Variants in PEDS1 observed in about 807,000 individuals in gnomAD.
PEDS1 encodes plasmanylethanolamine desaturase 1, also known as CarF homolog.
In PEDS1, 14 loss-of-function variants were observed where a neutral mutation model predicts 35.2. That is an observed-to-expected ratio of 0.40 (90% CI 0.26 to 0.62). PEDS1 has a LOEUF of 0.62. Ranked by LOEUF, PEDS1 falls within the 20% of genes least tolerant of loss-of-function variation. PEDS1 has a pLI of 0.44. For synonymous variants in PEDS1, 152 were observed against 152.0 expected (o/e 1.00, Z 0.00); for missense variants, 260 against 367.8 (o/e 0.71, Z 2.40).
intron 1 of PEDS1, among the ~76,000 whole-genome samples, chr20:50,148,812 T>G (rs772698689): frequency 1.3e-5 from 2 of 151,864 alleles, no homozygotes; most frequent in Non-Finnish European, 2.9e-5. Context: ...ATCAGAGCCA[T>G]GGGAAGATGA....
chr20:50,136,318 T>C (rs2081233845), intron 2 of PEDS1, among the ~76,000 whole-genome samples: 1 of 152,194 alleles, frequency 6.6e-6, no homozygotes, highest in African/African-American at 2.4e-5. Flanking sequence ...GGGTTAACAC[T>C]GTGTACTGGG....
Position 50,129,171 on chromosome 20 carries a change from G to A in PEDS1, c.478+375C>T, listed in dbSNP as rs1054245904. Among the ~76,000 whole-genome samples, 7 of 152,198 alleles carry A rather than the reference G, an allele frequency of 4.6e-5. No individual in the cohort carries two copies. Among genetic ancestry groups the A allele is most frequent in the African/African-American group, 1.2e-4 (5 of 41,454 alleles). On this transcript the variant is annotated intron_variant, in intron 4 of 5. Transcript: ENST00000371652. The surrounding 1 kb of genome is among the most constrained non-coding windows in gnomAD (Gnocchi z 4.2). Reference sequence around the variant, plus strand: ...GCCTAGACATTTTCCACTAGGCCACGGTAGCAAAACCCCAGAAGCCCTGCC... The same window carrying A: ...GCCTAGACATTTTCCACTAGGCCACAGTAGCAAAACCCCAGAAGCCCTGCC...
At chr20:50,140,981 C>T (rs924511715) in intron 2 of PEDS1, among the ~76,000 whole-genome samples, 2 of 152,172 alleles carry the variant, frequency 1.3e-5, no homozygotes. Context: ...GCCTCGAAAG[C>T]CAGAGATTTC....
rs1394520226 is a variant in PEDS1, at chr20:50,119,625, A to G, written c.*5433T>C. 1 of 152,170 alleles carries G rather than the reference A, an allele frequency of 6.6e-6. No individual in the cohort carries two copies. The highest frequency in any genetic ancestry group is 1.5e-5 in the Non-Finnish European group (1 of 68,048). The allele number at this position is 152,170 out of a possible 1,614,324, so 9.4% of individuals were successfully genotyped here. A position where few individuals can be genotyped will look rare whatever the true frequency, so the allele number is the denominator to read the frequency against. ...TATTGTGTGAAAAGGAGTGGGGCAGACATACCCCTCTGCCTACATAAGGCA... is the reference window on the plus strand; with the variant it reads ...TATTGTGTGAAAAGGAGTGGGGCAGGCATACCCCTCTGCCTACATAAGGCA... On this transcript the variant is annotated 3_prime_UTR_variant, in exon 6 of 6. Transcript: ENST00000371652.
intron 1 of PEDS1, among the ~76,000 whole-genome samples, chr20:50,147,998 G>A (rs1043359352): frequency 5.9e-5 from 9 of 152,164 alleles, no homozygotes; most frequent in African/African-American, 2.2e-4. Flanking sequence ...GCTGAGGCAG[G>A]AGAATCACGT....
chr20:50,128,007 G>A lies in PEDS1; in HGVS notation c.659C>T (p.Ser220Leu), dbSNP rs921594550. 3.7e-6 allele frequency: 6 copies of A among 1,614,070 alleles called. No individual in the cohort carries two copies. Among genetic ancestry groups the A allele is most frequent in the African/African-American group, 1.3e-5 (1 of 74,940 alleles). The change falls in exon 5 of 6, where the codon TCA becomes TTA. Residue 220 changes from serine to leucine, a missense_variant. Around this residue, in one of 4 missense-constraint regions of PEDS1, gnomAD observed 83 missense variants for 142.8 expected, o/e 0.58. Transcript: ENST00000371652. The surrounding 1 kb of genome is among the most constrained non-coding windows in gnomAD (Gnocchi z 5.2). ...GATGCAGAAGTAGGTCTCGTGGGGT[G>A]AGACGTGGTGGATGCGATGGTGTTT... is the stretch of plus-strand genomic sequence containing the variant. ...PRKHHRIHHV[S>L]PHETYFCITT...
At chr20:50,148,521 C>T (rs997113899) in intron 1 of PEDS1, among the ~76,000 whole-genome samples, 1 of 152,206 alleles carries the variant, frequency 6.6e-6, no homozygotes, top group Non-Finnish European at 1.5e-5. Context: ...GAGGAAGGGG[C>T]TGGCCTCGTG....
rs779951740 is a variant in PEDS1 at position 50,130,965 on chromosome 20, A to G, written c.242-18T>C. 1.2e-6 allele frequency: 2 copies of G among 1,614,186 alleles called. No individual in the cohort carries two copies. The highest frequency in any genetic ancestry group is 2.2e-5 in the East Asian group (1 of 44,886). ...CCCTGCAACTGTGGACAAGAGGGTG[A>G]GTGAAGGGACATCCCTGCACCCCCC... On this transcript the variant is annotated intron_variant, in intron 2 of 5. Coordinates refer to ENST00000371652, the MANE Select transcript of PEDS1 (RefSeq NM_199129.4).
chr20:50,153,584 C>T lies in PEDS1; in HGVS notation c.54G>A (p.Glu18=). Residue 18 remains glutamate (E), a synonymous_variant, in exon 1 of 6, where the codon GAG becomes GAA. Transcript: ENST00000371652. ...GCGCGCCCCAGCGGCAACAAGACGC[C>T]TCGTCCTCGTCCAGCTCCAGCTGCT... ...PGQQLELDED[E]ASCCRWGAQH... 2 of 1,428,828 alleles carry T rather than the reference C, an allele frequency of 1.4e-6. No homozygotes were observed. The highest frequency in any genetic ancestry group is 1.8e-6 in the Non-Finnish European group (2 of 1,084,956). The allele number at this position is 1,428,828 out of a possible 1,614,324, so 88.5% of individuals were successfully genotyped here.
At chr20:50,125,885 C>T (rs1226425505) in intron 5 of PEDS1, among the ~76,000 whole-genome samples, 1 of 152,202 alleles carries the variant, frequency 6.6e-6, no homozygotes, top group Non-Finnish European at 1.5e-5. Flanking sequence ...ACCACTGAGC[C>T]TGGCTCTATT....
intron 1 of PEDS1, 79 bp from the exon 2 acceptor site, chr20:50,143,700 T>C (rs1424029196): frequency 6.6e-7 from 1 of 1,525,884 alleles, no homozygotes; most frequent in Non-Finnish European, 8.7e-7. Flanking sequence ...ACTTTTCTTT[T>C]CTTTTTTTTT....
At chr20:50,148,696 C>T (rs2081370772) in intron 1 of PEDS1, among the ~76,000 whole-genome samples, 1 of 152,078 alleles carries the variant, frequency 6.6e-6, no homozygotes, top group Non-Finnish European at 1.5e-5. Flanking sequence ...GACCCCTGGC[C>T]TCCAGCAGAC....
At chr20:50,137,030 C>CA (rs201264190) in intron 2 of PEDS1, among the ~76,000 whole-genome samples, 6 of 148,548 alleles carry the variant, frequency 4.0e-5, no homozygotes, top group African/African-American at 7.4e-5. Context: ...GACTTCATCT[C>CA]AAAAAAAAAG....
At chr20:50,131,617 G>A (rs1242192189) in intron 2 of PEDS1, among the ~76,000 whole-genome samples, 6 of 150,274 alleles carry the variant, frequency 4.0e-5, no homozygotes, top group South Asian at 2.1e-4. Flanking sequence ...GTGAGACTCC[G>A]TCTCAAAAAA....
rs2081052228 is a variant in PEDS1, at chr20:50,121,669, G to A, written c.*3389C>T. On this transcript the variant is annotated 3_prime_UTR_variant, in exon 6 of 6. Coordinates refer to ENST00000371652, the MANE Select transcript of PEDS1 (RefSeq NM_199129.4). The stretch of plus-strand genomic sequence containing the variant: ...CAGCGCACCTTCTGGTTTTGAGAAG[G>A]ATTTTTTTCCAGCCCCCAGAATTCA... The A allele has an allele frequency of 1.3e-5, 2 of 152,184 alleles. No individual in the cohort carries two copies. The highest frequency in any genetic ancestry group is 4.1e-4 in the South Asian group (2 of 4,822). The allele number at this position is 152,184 out of a possible 1,614,324, so 9.4% of individuals were successfully genotyped here.
intron 1 of PEDS1, among the ~76,000 whole-genome samples, chr20:50,150,066 CG>C (rs2081387063): frequency 6.6e-6 from 1 of 152,106 alleles, no homozygotes; most frequent in Admixed American, 6.5e-5. Context: ...GGCCTAACCC[CG>C]ATCAGGGTGA....
intron 5 of PEDS1, among the ~76,000 whole-genome samples, chr20:50,127,259 C>T (rs6122877): frequency 0.07 from 10,713 of 152,036 alleles, 416 homozygotes; most frequent in Middle Eastern, 0.12. Flanking sequence ...GCACCATTAG[C>T]CACGCTACAC....
At chr20:50,130,245 G>A (rs1308979553) in intron 3 of PEDS1, among the ~76,000 whole-genome samples, 1 of 152,192 alleles carries the variant, frequency 6.6e-6, no homozygotes, top group Non-Finnish European at 1.5e-5. Context: ...TTCAGTTGGC[G>A]GAAACTACAG....
Position 50,153,197 on chromosome 20 carries a change from A to C in PEDS1, c.121+320T>G, listed in dbSNP as rs1011331903. On this transcript the variant is annotated intron_variant, in intron 1 of 5. Coordinates refer to ENST00000371652, the MANE Select transcript of PEDS1 (RefSeq NM_199129.4). ...GAGGGGGTGGGGTTCTAAGTCTAGG[A>C]GCACTCTTCACAACCGAGAATGCCC... Among the ~76,000 whole-genome samples the C allele has an allele frequency of 2.6e-5, 4 of 151,750 alleles. No individual in the cohort carries two copies. The South Asian group carries it at 8.3e-4, about 32-fold the overall frequency.
Sources: gnomAD v4.1 joint callset for allele counts (sites outside exome capture counted in the v4.1 genomes callset) on GRCh38, gnomAD v4.1.1 for gene constraint, gnomAD v4.1.1 regional missense constraint, Gnocchi (gnomAD v3.1) non-coding constraint, MANE v1.5 for transcripts, NCBI Gene and HGNC (gene_info 2026-07-23, HGNC 2026-07-21) for gene names.